BANP: variants seen among roughly 807,000 people sequenced by gnomAD.
The protein encoded by BANP is BTG3 associated nuclear protein.
BANP carries 11 observed loss-of-function variants against 68.1 expected under a neutral mutation model. The ratio of observed to expected loss-of-function variants is 0.16; its 90% CI spans 0.10 to 0.27. The LOEUF (loss-of-function observed/expected upper bound fraction) is 0.27. BANP is among the 10% of genes least tolerant of loss of function. The pLI is 1.00. For synonymous variants in BANP, 329 were observed against 303.2 expected (o/e 1.09, Z -0.88); for missense variants, 504 against 722.7 (o/e 0.70, Z 3.47).
chr16:88,011,654 A>G (rs1315935904), intron 6 of BANP, among the ~76,000 whole-genome samples: 3 of 152,240 alleles, frequency 2.0e-5, no homozygotes, highest in Admixed American at 6.5e-5. Flanking sequence ...AGCTTGCAGA[A>G]TGTCAGTGTT....
chr16:87,958,950 G>A (rs2058609514), intron 1 of BANP, among the ~76,000 whole-genome samples: 2 of 152,218 alleles, frequency 1.3e-5, no homozygotes, highest in Admixed American at 1.3e-4. Flanking sequence ...AATTCTCATG[G>A]GGGAGGGAGG....
intron 8 of BANP, among the ~76,000 whole-genome samples, chr16:88,031,964 C>T (rs1354137360): frequency 1.3e-5 from 2 of 151,996 alleles, no homozygotes; most frequent in East Asian, 3.9e-4. Flanking sequence ...GCCACCACAC[C>T]TGGCTAATTT....
chr16:87,952,726 A>G (rs1418810748), intron 1 of BANP: 1 of 152,220 alleles, frequency 6.6e-6, no homozygotes, highest in Non-Finnish European at 1.5e-5. Flanking sequence ...TCTGGCGATT[A>G]AAATAAGAAT....
At chr16:87,955,256 C>T (rs1361861680) in intron 1 of BANP, among the ~76,000 whole-genome samples, 1 of 152,182 alleles carries the variant, frequency 6.6e-6, no homozygotes, top group East Asian at 1.9e-4. Flanking sequence ...GCCAGCCGAG[C>T]GTCCAGGGGC....
At chr16:87,984,025 G>C in intron 3 of BANP, 35 bp from the exon 4 acceptor site, 1 of 1,609,022 alleles carries the variant, frequency 6.2e-7, no homozygotes. Context: ...CAGTTCAGGA[G>C]ACCCTTCCTA....
chr16:88,063,867 T>C (rs978796569), intron 11 of BANP, among the ~76,000 whole-genome samples: 1 of 152,206 alleles, frequency 6.6e-6, no homozygotes, highest in African/African-American at 2.4e-5. Flanking sequence ...AAGGTAGGCA[T>C]ACCCAAGTGG....
chr16:88,018,406 G>A lies in BANP; in HGVS notation c.656-22G>A, dbSNP rs769026392. ...GCTTATTTGAGCCTTGGCCATCTGA[G>A]GACCTGTCTTCTGTTTTTCAGAGGA... On this transcript the variant is annotated intron_variant, in intron 6 of 13. Transcript: ENST00000682872. This position sits in a 1 kb window ranked among gnomAD's most constrained non-coding sequence, Gnocchi z 7.7. The A allele has an allele frequency of 9.4e-6, 15 of 1,601,662 alleles. No homozygotes were observed. The highest frequency in any genetic ancestry group is 6.7e-5 in the Admixed American group (4 of 59,640).
At chr16:87,987,737 A>AAAAAG (rs1214292650) in intron 4 of BANP, among the ~76,000 whole-genome samples, 1 of 149,544 alleles carries the variant, frequency 6.7e-6, no homozygotes, top group Non-Finnish European at 1.5e-5. Context: ...AAAAAAAAAA[A>AAAAAG]AAGGATGTTA....
intron 11 of BANP, among the ~76,000 whole-genome samples, chr16:88,040,181 G>A (rs1010578490): frequency 6.6e-5 from 10 of 151,930 alleles, no homozygotes; most frequent in African/African-American, 2.4e-4. Context: ...TAAAGAAACC[G>A]CTGTGTTCAT....
chr16:88,066,263 A>G (rs72818564), intron 12 of BANP, among the ~76,000 whole-genome samples: 13,797 of 152,290 alleles, frequency 0.091, 843 homozygotes, highest in Non-Finnish European at 0.14. Context: ...GAACTGCCCA[A>G]TAAATGTATT....
chr16:87,998,340 A>G (rs1354317746), intron 4 of BANP, among the ~76,000 whole-genome samples: 1 of 152,148 alleles, frequency 6.6e-6, no homozygotes, highest in East Asian at 1.9e-4. Flanking sequence ...TCACAGGGGG[A>G]CTTTGGCCTC....
chr16:88,067,601 T>C (rs1250659979), intron 12 of BANP, among the ~76,000 whole-genome samples: 2 of 152,088 alleles, frequency 1.3e-5, no homozygotes, highest in Non-Finnish European at 2.9e-5. Context: ...CTTGGCACTA[T>C]TTCCAAATCT....
At chr16:87,977,856 A>AG (rs1195692470) in intron 2 of BANP, among the ~76,000 whole-genome samples, 1 of 84,174 alleles carries the variant, frequency 1.2e-5, no homozygotes, top group Non-Finnish European at 2.4e-5. Flanking sequence ...TATTTATTTA[A>AG]GACAGAGGTT....
In BANP at chr16:88,071,245, A is replaced by C. The variant is rs1420289487; in HGVS notation, c.1378-824A>C. The C allele has an allele frequency of 2.8e-6, 1 of 353,876 alleles. No individual in the cohort carries two copies. Among genetic ancestry groups the C allele is most frequent in the East Asian group, 7.6e-5 (1 of 13,156 alleles). The allele number at this position is 353,876 out of a possible 1,614,324, so 21.9% of individuals were successfully genotyped here. On this transcript the variant is annotated intron_variant, in intron 12 of 13. Transcript: ENST00000682872. This position sits in a 1 kb window ranked among gnomAD's most constrained non-coding sequence, Gnocchi z 6.5. Reference sequence around the variant, plus strand: ...CCTCCCGTAGTGGGGTGCAACCCCAAGTGAAGACCCCGTGGCTCATGTCAA... The same window carrying C: ...CCTCCCGTAGTGGGGTGCAACCCCACGTGAAGACCCCGTGGCTCATGTCAA...
At chr16:87,952,177 C>G (rs748495776) in intron 1 of BANP, 3 of 152,230 alleles carry the variant, frequency 2.0e-5, no homozygotes, top group Non-Finnish European at 4.4e-5. Context: ...TTTTTCCCCC[C>G]TAGGATGCAG....
chr16:87,991,946 A>T (rs1442683797), intron 4 of BANP, among the ~76,000 whole-genome samples: 1 of 152,112 alleles, frequency 6.6e-6, no homozygotes, highest in Non-Finnish European at 1.5e-5. Context: ...CTGATCTTTG[A>T]GTGAAAGCAT....
chr16:88,033,307 C>G, intron 9 of BANP, 62 bp downstream of exon 9: 1 of 1,440,936 alleles, frequency 6.9e-7, no homozygotes, highest in South Asian at 1.5e-5. Flanking sequence ...CACGGCAGGG[C>G]CATGGCGGCT....
chr16:88,008,671 CTGAGTT>C (rs2072035515), intron 6 of BANP, among the ~76,000 whole-genome samples: 1 of 152,152 alleles, frequency 6.6e-6, no homozygotes, highest in Non-Finnish European at 1.5e-5. Context: ...TTCTTTGTGT[CTGAGTT>C]TAAGTTTTTT....
At position 88,018,419 on chromosome 16, in the gene BANP, G is replaced by C. The variant is rs28377355; in HGVS notation, c.656-9G>C. 0.12 allele frequency: 195,925 copies of C among 1,607,238 alleles called. 12,993 individuals carry two copies. The highest frequency in any genetic ancestry group is 0.14 in the Non-Finnish European group (160,630 of 1,176,076). On this transcript the variant is annotated splice_polypyrimidine_tract_variant and intron_variant, in intron 6 of 13. Coordinates refer to ENST00000682872, the MANE Select transcript of BANP (RefSeq NM_001386991.1). This position sits in a 1 kb window ranked among gnomAD's most constrained non-coding sequence, Gnocchi z 7.7. ...TTGGCCATCTGAGGACCTGTCTTCTGTTTTTCAGAGGACTACCCCAATGGC... is the reference window on the plus strand; with the variant it reads ...TTGGCCATCTGAGGACCTGTCTTCTCTTTTTCAGAGGACTACCCCAATGGC...
Sources: gnomAD v4.1 joint callset for allele counts (sites outside exome capture counted in the v4.1 genomes callset) on GRCh38, gnomAD v4.1.1 for gene constraint, Gnocchi (gnomAD v3.1) non-coding constraint, MANE v1.5 for transcripts, NCBI Gene and HGNC (gene_info 2026-07-23, HGNC 2026-07-21) for gene names.